Variants in ERI1 observed in about 807,000 individuals in gnomAD.
ERI1 encodes the protein 3'-5' exoribonuclease 1.
In ERI1, 39 loss-of-function variants were observed where a neutral mutation model predicts 39.7. The observed-to-expected ratio is 0.98, with a 90% CI of 0.76 to 1.28. The LOEUF is 1.28. Ranked by LOEUF, ERI1 falls within the 50% of genes most tolerant of loss-of-function variation. The probability of loss-of-function intolerance (pLI) is 0.00; values close to 1 mark genes in which losing one functional copy is unlikely to be tolerated. For synonymous variants in ERI1, 204 were observed against 149.6 expected (o/e 1.36, Z -2.65); for missense variants, 581 against 416.9 (o/e 1.39, Z -3.43).
chr8:9,065,817 C>A (rs898635893), intron 3 of ERI1, among the ~76,000 whole-genome samples: 5 of 151,872 alleles, frequency 3.3e-5, no homozygotes, highest in African/African-American at 1.2e-4. Context: ...AAAAGCAGGG[C>A]CTTGGAAGTT....
At chr8:9,034,693 C>T (rs1217659926), downstream of ERI1, among the ~76,000 whole-genome samples, 1 of 152,180 alleles carries the variant, frequency 6.6e-6, no homozygotes, top group African/African-American at 2.4e-5. Context: ...AATAAGCCTA[C>T]AGTGGCCTCT....
intron 3 of ERI1, among the ~76,000 whole-genome samples, chr8:9,095,965 A>C (rs1220983467): frequency 1.3e-5 from 2 of 152,206 alleles, no homozygotes; most frequent in Non-Finnish European, 2.9e-5. Flanking sequence ...CATCTGGAAT[A>C]TAGAAATCAT....
intron 4 of ERI1, among the ~76,000 whole-genome samples, chr8:9,017,327 C>T (rs1817411590): frequency 6.6e-6 from 1 of 152,156 alleles, no homozygotes; most frequent in Admixed American, 6.5e-5. Flanking sequence ...CATGAGCCAC[C>T]ACACCTAGCC....
chr8:9,065,835 C>T (rs1442010508), intron 3 of ERI1, among the ~76,000 whole-genome samples: 1 of 151,930 alleles, frequency 6.6e-6, no homozygotes, highest in Non-Finnish European at 1.5e-5. Flanking sequence ...GTTTTGATTC[C>T]TTTTTCCTCT....
Position 9,031,676 on chromosome 8 carries a change from TTTCAC to T in ERI1, c.*1645_*1649del. On this transcript the variant is annotated 3_prime_UTR_variant, in exon 7 of 7. Coordinates refer to ENST00000250263, the MANE Select transcript of ERI1 (RefSeq NM_153332.4). ...TCTATCTGCTAATTTCTTTGCCTGTTTTCACTTTCGCCAAGTACCAACAAGCTCAT... is the reference window on the plus strand; with the variant it reads ...TCTATCTGCTAATTTCTTTGCCTGTTTTTCGCCAAGTACCAACAAGCTCAT... 6.6e-6 allele frequency: 1 copy of T among 152,360 alleles called. No individual in the cohort carries two copies. Among genetic ancestry groups the T allele is most frequent in the East Asian group, 1.9e-4 (1 of 5,194 alleles). 9.4% of individuals were successfully genotyped at this position (152,360 alleles called of 1,614,324 possible). A position where few individuals can be genotyped will look rare whatever the true frequency, so the allele number is the denominator to read the frequency against.
intron 3 of ERI1, among the ~76,000 whole-genome samples, chr8:9,093,208 T>TTCCC (rs1799763226): frequency 1.3e-5 from 2 of 152,204 alleles, no homozygotes; most frequent in Admixed American, 6.5e-5. Context: ...ATTAATTGTC[T>TTCCC]TGGGCCGCAC....
chr8:9,069,460 G>T (rs1378327809), intron 3 of ERI1, among the ~76,000 whole-genome samples: 1 of 152,166 alleles, frequency 6.6e-6, no homozygotes, highest in Admixed American at 6.5e-5. Flanking sequence ...GACAATGCTG[G>T]ATGGATCAAA....
chr8:9,093,836 C>G (rs1799789512), intron 3 of ERI1, among the ~76,000 whole-genome samples: 1 of 152,188 alleles, frequency 6.6e-6, no homozygotes, highest in African/African-American at 2.4e-5. Context: ...CTCGGCCTCC[C>G]AAAGTGCTGG....
At chr8:9,009,628 C>T (rs544969373) in intron 2 of ERI1, among the ~76,000 whole-genome samples, 103 of 151,354 alleles carry the variant, frequency 6.8e-4, no homozygotes, top group African/African-American at 2.3e-3. Flanking sequence ...CAACCTCCGA[C>T]TCCTGGATTC....
Position 9,031,962 on chromosome 8 carries a change from T to C in ERI1, c.*1928T>C, listed in dbSNP as rs1487992266. 1 of 152,316 alleles carries C rather than the reference T, an allele frequency of 6.6e-6. No homozygotes were observed. The highest frequency in any genetic ancestry group is 1.5e-5 in the Non-Finnish European group (1 of 68,124). The allele number at this position is 152,316 out of a possible 1,614,324, so 9.4% of individuals were successfully genotyped here. ...TGGTAGAGGCGGGGTTTCACCATGT[T>C]GGTCAGGCTGGTCTTGAACTCCTGA... On this transcript the variant is annotated 3_prime_UTR_variant, in exon 7 of 7. Transcript: ENST00000250263.
At chr8:9,028,425 C>G (rs983746256) in intron 6 of ERI1, among the ~76,000 whole-genome samples, 7 of 152,124 alleles carry the variant, frequency 4.6e-5, no homozygotes, top group Non-Finnish European at 8.8e-5. Flanking sequence ...TGCAGTATTA[C>G]AGCTTAAGAT....
intron 1 of ERI1, chr8:9,004,090 G>C (rs754400300): frequency 2.5e-5 from 32 of 1,289,090 alleles, no homozygotes; most frequent in Non-Finnish European, 3.0e-5. Context: ...TCGCTGCCTT[G>C]TGTTCTTTGA....
chr8:9,070,984 G>A (rs188616544), intron 3 of ERI1, among the ~76,000 whole-genome samples: 22 of 152,206 alleles, frequency 1.4e-4, no homozygotes, highest in East Asian at 3.9e-4. Flanking sequence ...GTACCCCTGC[G>A]GAGACTGCAG....
Position 9,030,414 on chromosome 8 carries a change from A to T in ERI1, c.*380A>T, listed in dbSNP as rs145398773. 16 of 184,642 alleles carry T rather than the reference A, an allele frequency of 8.7e-5. No homozygotes were observed. In the East Asian group the frequency reaches 9.7e-4, roughly 11 times the overall value. The allele number at this position is 184,642 out of a possible 1,614,324, so 11.4% of individuals were successfully genotyped here. A position where few individuals can be genotyped will look rare whatever the true frequency, so the allele number is the denominator to read the frequency against. On this transcript the variant is annotated 3_prime_UTR_variant, in exon 7 of 7. Coordinates refer to ENST00000250263, the MANE Select transcript of ERI1 (RefSeq NM_153332.4). Reference sequence around the variant, plus strand: ...TGTGTTTCTTTATTAACATCACTAGATGAAACCATATCTTAAAATGCAGAA... The same window carrying T: ...TGTGTTTCTTTATTAACATCACTAGTTGAAACCATATCTTAAAATGCAGAA...
Position 9,093,205 on chromosome 8 carries a change from G to A in ERI1, n.300-23143G>A, listed in dbSNP as rs115167166. Among the ~76,000 whole-genome samples the A allele has an allele frequency of 6.6e-3, 998 of 152,270 alleles. 6 individuals are homozygous for A. The highest frequency in any genetic ancestry group is 0.023 in the African/African-American group (951 of 41,548). ...CACATTGGAAGAAGAAGAATTAATT[G>A]TCTTGGGCCGCACGTAAAATACACT... On this transcript the variant is annotated intron_variant and non_coding_transcript_variant, in intron 3 of 3. Coordinates refer to the ERI1 transcript ENST00000518663.
intron 3 of ERI1, among the ~76,000 whole-genome samples, chr8:9,044,646 C>T (rs1798123297): frequency 6.6e-6 from 1 of 152,008 alleles, no homozygotes; most frequent in African/African-American, 2.4e-5. Context: ...ACAAGCTAAG[C>T]CTTGAAGAAC....
intron 3 of ERI1, chr8:9,048,565 A>T (rs760303431): frequency 6.5e-6 from 1 of 153,862 alleles, no homozygotes; most frequent in South Asian, 2.0e-4. Flanking sequence ...TGGTGGGGCC[A>T]GCAGATAACA....
In ERI1 at chr8:9,031,255, A is replaced by G. The variant is rs375767272; in HGVS notation, c.*1221A>G. The G allele has an allele frequency of 1.7e-4, 26 of 152,318 alleles. No individual in the cohort carries two copies. Among genetic ancestry groups the G allele is most frequent in the African/African-American group, 5.5e-4 (23 of 41,572 alleles). 9.4% of individuals were successfully genotyped at this position (152,318 alleles called of 1,614,324 possible). A position where few individuals can be genotyped will look rare whatever the true frequency, so the allele number is the denominator to read the frequency against. On this transcript the variant is annotated 3_prime_UTR_variant, in exon 7 of 7. Transcript: ENST00000250263. ...AATTTCCTCAAAGGTTTCCAAACCT[A>G]TATCATATAGGGTGAAAAGCAGGAA...
chr8:9,031,527 G>A lies in ERI1; in HGVS notation c.*1493G>A, dbSNP rs1797589735. The A allele has an allele frequency of 6.6e-6, 1 of 152,180 alleles. No homozygotes were observed. The highest frequency in any genetic ancestry group is 2.4e-5 in the African/African-American group (1 of 41,450). 9.4% of individuals were successfully genotyped at this position (152,180 alleles called of 1,614,324 possible). A position where few individuals can be genotyped will look rare whatever the true frequency, so the allele number is the denominator to read the frequency against. On this transcript the variant is annotated 3_prime_UTR_variant, in exon 7 of 7. Transcript: ENST00000250263. ...GGATAAGAGGGATGTATGCTGAGAT[G>A]TTTGTGCATCCCAGATAGCACTGTA...
Sources: gnomAD v4.1 joint callset for allele counts (sites outside exome capture counted in the v4.1 genomes callset) on GRCh38, gnomAD v4.1.1 for gene constraint, MANE v1.5 for transcripts, NCBI Gene and HGNC (gene_info 2026-07-23, HGNC 2026-07-21) for gene names.